The following CREBBP variants were observed in gnomAD, a reference collection of about 807,000 sequenced individuals.
CREBBP encodes CREB binding lysine acetyltransferase.
A neutral mutation model predicts 265.0 loss-of-function variants in CREBBP; 19 were observed. The observed-to-expected ratio is 0.07, with a 90% CI of 0.05 to 0.11. The LOEUF (loss-of-function observed/expected upper bound fraction) is 0.11, where lower values mean the gene tolerates loss of function less well. Among genes scored for constraint, CREBBP ranks in the 10% least tolerant of loss-of-function variants. The pLI is 1.00. For missense variants in CREBBP, 2,525 were observed against 3,219.0 expected, an observed-to-expected ratio of 0.78 and a Z score of 5.22; for synonymous variants, 1,457 against 1,223.7, an observed-to-expected ratio of 1.19 and a Z score of -3.98.
intron 21 of CREBBP, among the ~76,000 whole-genome samples, chr16:3,748,140 G>A (rs1307878279): frequency 6.8e-6 from 1 of 147,154 alleles, no homozygotes; most frequent in African/African-American, 2.6e-5. Flanking sequence ...TTAGCTGGGC[G>A]TGGTGGCGGG....
intron 2 of CREBBP, among the ~76,000 whole-genome samples, chr16:3,828,852 C>T (rs1160277170): frequency 6.6e-6 from 1 of 152,176 alleles, no homozygotes; most frequent in Non-Finnish European, 1.5e-5. Context: ...ATGGCACCCA[C>T]CTCACAGGAT....
intron 2 of CREBBP, among the ~76,000 whole-genome samples, chr16:3,848,998 G>T (rs1421898166): frequency 6.6e-6 from 1 of 152,022 alleles, no homozygotes; most frequent in African/African-American, 2.4e-5. Flanking sequence ...GTCACCCAAC[G>T]CTCTCATCAA....
intron 2 of CREBBP, among the ~76,000 whole-genome samples, chr16:3,827,312 G>C (rs183938061): frequency 5.9e-5 from 9 of 152,186 alleles, no homozygotes; most frequent in African/African-American, 2.2e-4. Flanking sequence ...AAAAAACTCA[G>C]AACATAAAAA....
intron 2 of CREBBP, among the ~76,000 whole-genome samples, chr16:3,821,448 A>G (rs2054139941): frequency 2.0e-5 from 3 of 152,190 alleles, no homozygotes. Flanking sequence ...CTGCCCAGTG[A>G]CTGGGATTCC....
Position 3,726,443 on chromosome 16 carries a change from G to A in CREBBP, c.*1275C>T, listed in dbSNP as rs1428575554. The stretch of plus-strand genomic sequence containing the variant: ...ACCTCAGTCGCCCACCTCAGTCTCC[G>A]GGAAGAAAAGCCTCCGGGCGGCCGC... On this transcript the variant is annotated 3_prime_UTR_variant, in exon 31 of 31. Transcript: ENST00000262367. 7 of 232,310 alleles carry A rather than the reference G, an allele frequency of 3.0e-5. No individual in the cohort carries two copies. Among genetic ancestry groups the A allele is most frequent in the South Asian group, 3.7e-4 (2 of 5,474 alleles). The allele number at this position is 232,310 out of a possible 1,614,324, so 14.4% of individuals were successfully genotyped here. A position where few individuals can be genotyped will look rare whatever the true frequency, so the allele number is the denominator to read the frequency against.
chr16:3,815,229 A>G (rs894308664), intron 2 of CREBBP, among the ~76,000 whole-genome samples: 3 of 152,168 alleles, frequency 2.0e-5, no homozygotes, highest in Non-Finnish European at 4.4e-5. Context: ...ACATTTCTTT[A>G]AACGTCCCAA....
intron 1 of CREBBP, among the ~76,000 whole-genome samples, chr16:3,853,279 A>T (rs1256650397): frequency 6.6e-6 from 1 of 152,192 alleles, no homozygotes; most frequent in Non-Finnish European, 1.5e-5. Flanking sequence ...TATTACTGCT[A>T]TCCATAACAG....
At chr16:3,811,762 C>T (rs1026252856) in intron 2 of CREBBP, among the ~76,000 whole-genome samples, 8 of 151,944 alleles carry the variant, frequency 5.3e-5, no homozygotes, top group Non-Finnish European at 1.2e-4. Flanking sequence ...CCAAAGTGCT[C>T]GGATTACAGG....
At chr16:3,803,954 C>T (rs895749157) in intron 3 of CREBBP, among the ~76,000 whole-genome samples, 1 of 151,802 alleles carries the variant, frequency 6.6e-6, no homozygotes, top group African/African-American at 2.4e-5. Context: ...CATGGTGGCA[C>T]GTGCCTGTGG....
rs375724985 is a variant in CREBBP at position 3,787,973 on chromosome 16, C to T, written c.1330+4008G>A. On this transcript the variant is annotated intron_variant, in intron 5 of 30. Transcript: ENST00000262367. ...GATTACAGACGTTAGCCACTGCGTC[C>T]GGCCAAAAGGAGGTGTTTTAAACAA... Among the ~76,000 whole-genome samples the T allele has an allele frequency of 5.3e-5, 8 of 152,286 alleles. No individual in the cohort carries two copies. In the East Asian group the frequency reaches 7.7e-4, roughly 15 times the overall value.
chr16:3,737,455 CTTTTTTT>C (rs111941103), intron 26 of CREBBP, among the ~76,000 whole-genome samples: 6 of 142,604 alleles, frequency 4.2e-5, no homozygotes, highest in East Asian at 2.0e-4. Flanking sequence ...TTTCTTTTTT[CTTTTTTT>C]TTTTTTGCGG....
At chr16:3,744,174 T>C (rs1045065009) in intron 23 of CREBBP, among the ~76,000 whole-genome samples, 2 of 152,224 alleles carry the variant, frequency 1.3e-5, no homozygotes, top group Non-Finnish European at 2.9e-5. Flanking sequence ...CAGTAACATG[T>C]CCAGCCAAGT....
At position 3,780,450 on chromosome 16, in the gene CREBBP, G is replaced by A. The variant is rs74003403; in HGVS notation, c.1823+282C>T. On this transcript the variant is annotated intron_variant, in intron 8 of 30. Transcript: ENST00000262367. ...TAAAGTGCAGAAGCACATTAAGGCCGGGCTGCACTGAGGGTCTTTGCCTCG... is the reference window on the plus strand; with the variant it reads ...TAAAGTGCAGAAGCACATTAAGGCCAGGCTGCACTGAGGGTCTTTGCCTCG... Among the ~76,000 whole-genome samples, 1,460 of 152,190 alleles carry A rather than the reference G, an allele frequency of 9.6e-3. 30 individuals carry two copies. Among genetic ancestry groups the A allele is most frequent in the African/African-American group, 0.033 (1,384 of 41,516 alleles).
At position 3,729,271 on chromosome 16, in the gene CREBBP, G is replaced by C. The variant is rs778915687; in HGVS notation, c.5776C>G (p.Arg1926Gly). Residue 1926 changes from arginine to glycine, a missense_variant, in exon 31 of 31, where the codon CGG becomes GGG. Transcript: ENST00000262367. ...MSPAGFPSVA[R>G]TQPPTTVSTG... ...GACACCGTGGTGGGGGGCTGAGTCC[G>C]GGCCACGCTGGGGAAGCCAGCTGGT... The C allele has an allele frequency of 3.1e-5, 47 of 1,531,148 alleles. No individual in the cohort carries two copies. The Admixed American group carries it at 7.5e-4, about 24-fold the overall frequency. The allele number at this position is 1,531,148 out of a possible 1,614,324, so 94.8% of individuals were successfully genotyped here.
At chr16:3,837,254 C>T (rs1015350343) in intron 2 of CREBBP, among the ~76,000 whole-genome samples, 1 of 151,728 alleles carries the variant, frequency 6.6e-6, no homozygotes, top group Non-Finnish European at 1.5e-5. Flanking sequence ...CAGGCTTAGG[C>T]TAGTGTGTGT....
In CREBBP at chr16:3,853,981, C is replaced by CACACACACAT. The variant is rs528259484; in HGVS notation, c.86-2973_86-2972insATGTGTGTGT. On this transcript the variant is annotated intron_variant, in intron 1 of 30. Coordinates refer to ENST00000262367, the MANE Select transcript of CREBBP (RefSeq NM_004380.3). ...AAACAAACACACACACACACACACA[C>CACACACACAT]ACGAAAAAGAAAAGAAAATTAAAAC... Among the ~76,000 whole-genome samples the CACACACACAT allele has an allele frequency of 1.1e-3, 164 of 152,170 alleles. 1 individual carries two copies. Among genetic ancestry groups the CACACACACAT allele is most frequent in the African/African-American group, 3.1e-3 (130 of 41,486 alleles).
At chr16:3,769,403 G>C (rs1049234045) in intron 14 of CREBBP, 50 bp from the exon 15 acceptor site, 2 of 1,603,142 alleles carry the variant, frequency 1.2e-6, no homozygotes, top group African/African-American at 2.7e-5. Context: ...TAACATAAAT[G>C]ATCTTCAACT....
At chr16:3,768,903 CATAAA>C (rs1420453647) in intron 15 of CREBBP, among the ~76,000 whole-genome samples, 6 of 152,142 alleles carry the variant, frequency 3.9e-5, no homozygotes, top group Non-Finnish European at 5.9e-5. Context: ...GAATGGAGAA[CATAAA>C]ATAAAAGGCT....
rs1355176917 is a variant in CREBBP at position 3,745,338 on chromosome 16, C to T, written c.3853G>A (p.Glu1285Lys). 6.2e-7 allele frequency: 1 copy of T among 1,614,096 alleles called. No individual in the cohort carries two copies. ...LDPEPFVDCK[E>K]CGRKMHQICV... Reference sequence around the variant, plus strand: ...ATCTGATGCATCTTCCGGCCACACTCCTTGCAATCAACGAAACTAGGAGGC... The same window carrying T: ...ATCTGATGCATCTTCCGGCCACACTTCTTGCAATCAACGAAACTAGGAGGC... Residue 1285 changes from glutamate (E) to lysine (K), a missense_variant, in exon 22 of 31, where the codon GAG (glutamate) becomes AAG (lysine). Physicochemically the swap from Glu to Lys is moderately conservative, Grantham distance 56 (BLOSUM62 1). This residue lies in a region of CREBBP where 252 missense variants were observed against 452.5 expected (regional missense o/e 0.56). Coordinates refer to ENST00000262367, the MANE Select transcript of CREBBP (RefSeq NM_004380.3).
Sources: gnomAD v4.1 joint callset for allele counts (sites outside exome capture counted in the v4.1 genomes callset) on GRCh38, gnomAD v4.1.1 for gene constraint, gnomAD v4.1.1 regional missense constraint, MANE v1.5 for transcripts, NCBI Gene and HGNC (gene_info 2026-07-23, HGNC 2026-07-21) for gene names.